The following BRINP3 variants were observed in gnomAD, a reference collection of about 807,000 sequenced individuals.
BRINP3 encodes the protein BMP/retinoic acid inducible neural specific 3.
Under a neutral mutation model 71.0 loss-of-function variants are expected in BRINP3, and 19 were observed. The ratio of observed to expected loss-of-function variants is 0.27; its 90% CI spans 0.19 to 0.39. The LOEUF (loss-of-function observed/expected upper bound fraction) is 0.39. Ranked by LOEUF, BRINP3 falls within the 10% of genes least tolerant of loss-of-function variation. The pLI is 1.00. For missense variants in BRINP3, 959 were observed against 940.8 expected (o/e 1.02, Z -0.25); for synonymous variants, 380 against 337.7 (o/e 1.13, Z -1.37).
intron 2 of BRINP3, among the ~76,000 whole-genome samples, chr1:190,329,445 C>T (rs538065346): frequency 2.0e-5 from 3 of 149,410 alleles, no homozygotes; most frequent in Admixed American, 6.7e-5. Flanking sequence ...TGCACACACA[C>T]AAAAAAAAAA....
chr1:190,409,465 T>C (rs1672517549), intron 2 of BRINP3, among the ~76,000 whole-genome samples: 1 of 152,174 alleles, frequency 6.6e-6, no homozygotes, highest in South Asian at 2.1e-4. Flanking sequence ...TATTTTCCCT[T>C]CTTTTTTCTG....
intron 6 of BRINP3, among the ~76,000 whole-genome samples, chr1:190,180,850 T>C (rs1027105779): frequency 1.3e-5 from 2 of 152,062 alleles, no homozygotes; most frequent in African/African-American, 2.4e-5. Context: ...CCTAGGAAGT[T>C]ACAAAAAAAG....
At chr1:190,163,920 G>A (rs774488249) in intron 6 of BRINP3, among the ~76,000 whole-genome samples, 41 of 151,850 alleles carry the variant, frequency 2.7e-4, no homozygotes, top group Non-Finnish European at 4.6e-4. Context: ...GATTTTATTG[G>A]AGCAATTTTA....
chr1:190,248,630 G>C (rs546412237), intron 4 of BRINP3, among the ~76,000 whole-genome samples: 1 of 151,474 alleles, frequency 6.6e-6, no homozygotes, highest in East Asian at 1.9e-4. Context: ...TTCTAAACTA[G>C]GATATCAATT....
chr1:190,270,774 T>A (rs973937832), intron 3 of BRINP3, among the ~76,000 whole-genome samples: 1 of 151,650 alleles, frequency 6.6e-6, no homozygotes, highest in African/African-American at 2.4e-5. Flanking sequence ...TAACCAATAC[T>A]ATAGCTAAAA....
intron 2 of BRINP3, among the ~76,000 whole-genome samples, chr1:190,285,753 A>G (rs1558146360): frequency 6.6e-6 from 1 of 151,966 alleles, no homozygotes; most frequent in Non-Finnish European, 1.5e-5. Context: ...CCTGAAGACA[A>G]GATTCACCTC....
intron 2 of BRINP3, among the ~76,000 whole-genome samples, chr1:190,379,675 G>C (rs569559895): frequency 3.2e-4 from 48 of 152,024 alleles, no homozygotes; most frequent in Non-Finnish European, 5.6e-4. Flanking sequence ...GAGATGGAAA[G>C]AGACAATTAA....
At chr1:190,105,567 G>T (rs552964210) in intron 7 of BRINP3, among the ~76,000 whole-genome samples, 39 of 152,142 alleles carry the variant, frequency 2.6e-4, no homozygotes, top group African/African-American at 8.7e-4. Context: ...GTTTTAAGAA[G>T]TTTAAATAAC....
chr1:190,192,342 T>C (rs1387553712), intron 6 of BRINP3, among the ~76,000 whole-genome samples: 1 of 152,148 alleles, frequency 6.6e-6, no homozygotes, highest in Non-Finnish European at 1.5e-5. Context: ...AAAACAAACC[T>C]ATACAGTGTT....
chr1:190,111,689 T>A (rs946820770), intron 7 of BRINP3, among the ~76,000 whole-genome samples: 2 of 152,080 alleles, frequency 1.3e-5, no homozygotes, highest in Non-Finnish European at 1.5e-5. Context: ...ACCCTGAAAA[T>A]GGACATGAGG....
chr1:190,468,174 T>G (rs1676887271), intron 1 of BRINP3, among the ~76,000 whole-genome samples: 1 of 151,404 alleles, frequency 6.6e-6, no homozygotes, highest in Non-Finnish European at 1.5e-5. Flanking sequence ...GATGCAAATA[T>G]ATATCTAAAA....
chr1:190,414,003 C>T (rs956161553), intron 2 of BRINP3, among the ~76,000 whole-genome samples: 19 of 151,974 alleles, frequency 1.3e-4, no homozygotes, highest in African/African-American at 4.1e-4. Context: ...TGCTTTGCTG[C>T]CCAGGCTGGA....
At chr1:190,147,318 A>G (rs1329930530) in intron 7 of BRINP3, among the ~76,000 whole-genome samples, 1 of 152,146 alleles carries the variant, frequency 6.6e-6, no homozygotes, top group Non-Finnish European at 1.5e-5. Context: ...GTAATAGAAG[A>G]CGATCTTTTC....
At chr1:190,310,686 T>C (rs1665455816) in intron 2 of BRINP3, among the ~76,000 whole-genome samples, 1 of 151,648 alleles carries the variant, frequency 6.6e-6, no homozygotes, top group African/African-American at 2.4e-5. Flanking sequence ...TCCCTCCCTT[T>C]CTCCAGTTTC....
intron 2 of BRINP3, among the ~76,000 whole-genome samples, chr1:190,400,837 C>T (rs1231801692): frequency 6.6e-6 from 1 of 152,098 alleles, no homozygotes; most frequent in Non-Finnish European, 1.5e-5. Flanking sequence ...GATTCAGAAA[C>T]ACTGGTTTTA....
At chr1:190,186,969 T>C (rs12084800) in intron 6 of BRINP3, among the ~76,000 whole-genome samples, 3,193 of 152,256 alleles carry the variant, frequency 0.021, 103 homozygotes, top group African/African-American at 0.072. Context: ...CTTTTACAAA[T>C]AATTAACCAG....
intron 2 of BRINP3, among the ~76,000 whole-genome samples, chr1:190,393,939 A>G (rs1248521306): frequency 1.3e-5 from 2 of 151,634 alleles, no homozygotes; most frequent in African/African-American, 4.8e-5. Context: ...TGGTTTAAGT[A>G]TTTTATTTTA....
At chr1:190,324,003 A>G (rs1666420767) in intron 2 of BRINP3, among the ~76,000 whole-genome samples, 1 of 152,132 alleles carries the variant, frequency 6.6e-6, no homozygotes, top group African/African-American at 2.4e-5. Flanking sequence ...AAATAGAAAA[A>G]TATCAATGAC....
chr1:190,371,638 T>G (rs1669875825), intron 2 of BRINP3, among the ~76,000 whole-genome samples: 1 of 152,186 alleles, frequency 6.6e-6, no homozygotes, highest in Non-Finnish European at 1.5e-5. Context: ...TTTTGCTCAA[T>G]AGTTTTGACT....
Sources: allele counts gnomAD v4.1 joint callset (sites outside exome capture counted in the v4.1 genomes callset), GRCh38; gene constraint gnomAD v4.1.1; transcripts MANE v1.5; gene names NCBI Gene and HGNC (gene_info 2026-07-23, HGNC 2026-07-21).